Variants in RNF150 observed in about 807,000 individuals in gnomAD.
The protein encoded by RNF150 is ring finger protein 150.
Under a neutral mutation model 39.3 loss-of-function variants are expected in RNF150, and 24 were observed. That is an observed-to-expected ratio of 0.61 (90% CI 0.44 to 0.86). The LOEUF (loss-of-function observed/expected upper bound fraction) is 0.86, where lower values mean the gene tolerates loss of function less well. Among genes scored for constraint, RNF150 ranks in the 40% least tolerant of loss-of-function variants. RNF150 has a pLI of 0.00. For missense variants in RNF150, 502 were observed against 587.8 expected (o/e 0.85, Z 1.51); for synonymous variants, 255 against 227.3 (o/e 1.12, Z -1.10).
intron 1 of RNF150, among the ~76,000 whole-genome samples, chr4:141,113,743 T>C (rs7697519): frequency 0.14 from 20,775 of 152,188 alleles, 1,574 homozygotes; most frequent in Middle Eastern, 0.19. Flanking sequence ...ATTGCACTTA[T>C]TCTAAAATTG....
At chr4:141,197,442 T>C (rs963329740) in intron 1 of RNF150, among the ~76,000 whole-genome samples, 3 of 152,206 alleles carry the variant, frequency 2.0e-5, no homozygotes, top group African/African-American at 7.2e-5. Context: ...TAGTTTTTAT[T>C]TGTAACTTAT....
At chr4:141,171,104 C>A (rs138413538) in intron 1 of RNF150, among the ~76,000 whole-genome samples, 279 of 152,260 alleles carry the variant, frequency 1.8e-3, no homozygotes, top group Non-Finnish European at 3.2e-3. Context: ...TGAATATATA[C>A]ACAGTCTGTT....
At chr4:141,125,639 T>C (rs1304686908) in intron 1 of RNF150, among the ~76,000 whole-genome samples, 1 of 152,200 alleles carries the variant, frequency 6.6e-6, no homozygotes, top group African/African-American at 2.4e-5. Flanking sequence ...GGTTAACTTT[T>C]CAAAAGTTGA....
chr4:140,912,577 G>A (rs1367569871), intron 5 of RNF150, among the ~76,000 whole-genome samples: 2 of 152,164 alleles, frequency 1.3e-5, no homozygotes, highest in African/African-American at 4.8e-5. Context: ...AGCAAGACAT[G>A]CAAAGTGCTG....
At chr4:141,111,602 T>C (rs1022623232) in intron 1 of RNF150, among the ~76,000 whole-genome samples, 5 of 152,140 alleles carry the variant, frequency 3.3e-5, no homozygotes, top group African/African-American at 1.2e-4. Context: ...AGGATTTATG[T>C]TAAAATCGCA....
At chr4:141,105,179 A>G (rs957603226) in intron 1 of RNF150, among the ~76,000 whole-genome samples, 2 of 152,236 alleles carry the variant, frequency 1.3e-5, no homozygotes, top group African/African-American at 2.4e-5. Context: ...ATGCCTGTAT[A>G]TAAGTGGGAA....
chr4:140,922,326 G>C (rs28844935), intron 5 of RNF150, among the ~76,000 whole-genome samples: 79,611 of 146,496 alleles, frequency 0.54, 22,165 homozygotes, highest in East Asian at 0.89. Flanking sequence ...ACACCAATAA[G>C]AGACAAACAG....
chr4:141,127,308 A>G (rs959048887), intron 1 of RNF150, among the ~76,000 whole-genome samples: 2 of 152,216 alleles, frequency 1.3e-5, no homozygotes, highest in African/African-American at 4.8e-5. Flanking sequence ...GCACAGAGTA[A>G]GCACTATTTG....
intron 5 of RNF150, among the ~76,000 whole-genome samples, chr4:140,923,623 A>G (rs1177140294): frequency 6.6e-6 from 1 of 152,210 alleles, no homozygotes; most frequent in East Asian, 1.9e-4. Context: ...ATTACTGGGT[A>G]TATACCCTAA....
intron 1 of RNF150, among the ~76,000 whole-genome samples, chr4:141,144,642 C>T (rs1727172239): frequency 6.6e-6 from 1 of 152,140 alleles, no homozygotes. Context: ...GACTCCTCCC[C>T]TCAGTGAGGA....
chr4:141,113,031 G>C (rs557011065), intron 1 of RNF150, among the ~76,000 whole-genome samples: 2 of 151,860 alleles, frequency 1.3e-5, no homozygotes, highest in South Asian at 2.1e-4. Flanking sequence ...ATTGATACTT[G>C]AGTATGTCTC....
intron 1 of RNF150, among the ~76,000 whole-genome samples, chr4:141,192,722 T>TATCACCAACAAC (rs1728129931): frequency 1.3e-5 from 2 of 152,322 alleles, no homozygotes; most frequent in South Asian, 4.1e-4. Flanking sequence ...AACAACACCC[T>TATCACCAACAAC]GCCAGGGTAT....
At chr4:141,076,170 A>G (rs113551013) in intron 1 of RNF150, among the ~76,000 whole-genome samples, 247 of 152,334 alleles carry the variant, frequency 1.6e-3, no homozygotes, top group African/African-American at 5.7e-3. Flanking sequence ...AAAAGATGAC[A>G]TGTACAGGAA....
At chr4:141,157,349 A>G (rs1050476486) in intron 1 of RNF150, among the ~76,000 whole-genome samples, 2 of 152,304 alleles carry the variant, frequency 1.3e-5, no homozygotes, top group South Asian at 2.1e-4. Flanking sequence ...GGGTTTGATA[A>G]TATATAACCA....
At chr4:140,994,418 G>T (rs1734293647) in intron 1 of RNF150, among the ~76,000 whole-genome samples, 1 of 152,154 alleles carries the variant, frequency 6.6e-6, no homozygotes, top group Non-Finnish European at 1.5e-5. Context: ...TGATCACGAA[G>T]GTTATTTATG....
chr4:140,974,940 G>C (rs562339810), intron 1 of RNF150, among the ~76,000 whole-genome samples: 1 of 152,138 alleles, frequency 6.6e-6, no homozygotes, highest in Admixed American at 6.5e-5. Context: ...CCTTTGATCT[G>C]CAACCAAATG....
chr4:141,112,445 T>C (rs963482997), intron 1 of RNF150, among the ~76,000 whole-genome samples: 19 of 152,342 alleles, frequency 1.2e-4, no homozygotes, highest in Admixed American at 1.0e-3. Flanking sequence ...TCTCAGCATT[T>C]GCTTGTCTGT....
At chr4:141,094,038 C>G (rs1262292583) in intron 1 of RNF150, among the ~76,000 whole-genome samples, 1 of 151,968 alleles carries the variant, frequency 6.6e-6, no homozygotes, top group Non-Finnish European at 1.5e-5. Context: ...GATATAGATA[C>G]AGCTAAAGAG....
In RNF150 at chr4:140,880,359, C is replaced by A. The variant is rs1229164880; in HGVS notation, c.1199-11980G>T. ...ATTCCAGGGATAAATCCCACTTGGT[C>A]ATGGTATATAATCTTTTAATGTACT... On this transcript the variant is annotated intron_variant, in intron 6 of 6. Transcript: ENST00000515673. Among the ~76,000 whole-genome samples, 3 of 151,988 alleles carry A rather than the reference C, an allele frequency of 2.0e-5. No individual in the cohort carries two copies. The East Asian group carries it at 5.8e-4, about 29-fold the overall frequency.
Sources: gnomAD v4.1 joint callset for allele counts (sites outside exome capture counted in the v4.1 genomes callset) on GRCh38, gnomAD v4.1.1 for gene constraint, MANE v1.5 for transcripts, NCBI Gene and HGNC (gene_info 2026-07-23, HGNC 2026-07-21) for gene names.